SNX30: variants seen among roughly 807,000 people sequenced by gnomAD.
The protein encoded by SNX30 is sorting nexin family member 30.
In SNX30, 24 loss-of-function variants were observed where a neutral mutation model predicts 46.4. The ratio of observed to expected loss-of-function variants is 0.52; its 90% CI spans 0.37 to 0.73. SNX30 has a LOEUF of 0.73. Among genes scored for constraint, SNX30 ranks in the 30% least tolerant of loss-of-function variants. SNX30 has a pLI of 0.00. For missense variants in SNX30, 533 were observed against 555.7 expected (o/e 0.96, Z 0.41); for synonymous variants, 189 against 211.5 (o/e 0.89, Z 0.92).
chr9:112,814,795 CA>C (rs1401512447), intron 2 of SNX30, among the ~76,000 whole-genome samples: 2 of 152,184 alleles, frequency 1.3e-5, no homozygotes, highest in African/African-American at 4.8e-5. Context: ...TTTTGTCCAG[CA>C]ATTCTATCTT....
intron 1 of SNX30, among the ~76,000 whole-genome samples, chr9:112,784,827 A>G (rs1202677543): frequency 6.6e-6 from 1 of 152,204 alleles, no homozygotes; most frequent in Non-Finnish European, 1.5e-5. Context: ...CTCGGAGAAC[A>G]GAATTATTCT....
intron 6 of SNX30, among the ~76,000 whole-genome samples, chr9:112,848,400 C>T (rs1029099676): frequency 2.6e-5 from 4 of 152,124 alleles, no homozygotes; most frequent in African/African-American, 9.7e-5. Context: ...TGGTGGTAGT[C>T]AGCAGTTTGT....
At chr9:112,764,892 C>G (rs1839509298) in intron 1 of SNX30, among the ~76,000 whole-genome samples, 1 of 152,188 alleles carries the variant, frequency 6.6e-6, no homozygotes, top group Non-Finnish European at 1.5e-5. Context: ...CTCAGACTAA[C>G]ATCATCGACG....
intron 2 of SNX30, among the ~76,000 whole-genome samples, chr9:112,817,367 A>G (rs10981512): frequency 0.18 from 7,548 of 41,710 alleles, 540 homozygotes; most frequent in African/African-American, 0.37. Context: ...GTTGAATTCT[A>G]TTTCCTGACG....
chr9:112,850,730 G>A (rs1453910360), intron 6 of SNX30, 129 bp from the exon 7 acceptor site: 5 of 632,210 alleles, frequency 7.9e-6, no homozygotes, highest in Non-Finnish European at 1.4e-5. Flanking sequence ...GACTGTCCTA[G>A]GAGCACATGG....
chr9:112,883,035 A>C (rs1236038409), downstream of SNX30, among the ~76,000 whole-genome samples: 1 of 152,206 alleles, frequency 6.6e-6, no homozygotes, highest in African/African-American at 2.4e-5. Context: ...AGATGTCGCC[A>C]AGAAATCATA....
intron 1 of SNX30, among the ~76,000 whole-genome samples, chr9:112,791,281 A>G (rs916583032): frequency 6.6e-6 from 1 of 151,882 alleles, no homozygotes; most frequent in Non-Finnish European, 1.5e-5. Flanking sequence ...CTGACATTTC[A>G]TATAAATGGA....
intron 6 of SNX30, among the ~76,000 whole-genome samples, chr9:112,844,135 G>T (rs989815833): frequency 2.0e-5 from 3 of 152,180 alleles, no homozygotes; most frequent in Admixed American, 1.3e-4. Context: ...TGGTAGAGAC[G>T]TGGGTGGATT....
chr9:112,867,336 C>T (rs1193660087), intron 8 of SNX30, among the ~76,000 whole-genome samples: 1 of 150,898 alleles, frequency 6.6e-6, no homozygotes, highest in African/African-American at 2.4e-5. Flanking sequence ...CCTCCTCCCT[C>T]CTCAGAACTC....
intron 3 of SNX30, among the ~76,000 whole-genome samples, chr9:112,818,587 G>A (rs756845562): frequency 8.5e-5 from 13 of 152,114 alleles, no homozygotes; most frequent in Non-Finnish European, 1.9e-4. Context: ...AAATAATAAC[G>A]GTTTGGACAC....
chr9:112,822,741 G>T (rs1371711235), intron 3 of SNX30, among the ~76,000 whole-genome samples: 3 of 152,100 alleles, frequency 2.0e-5, no homozygotes, highest in African/African-American at 2.4e-5. Context: ...AAAATAAACA[G>T]TTCATAAGTT....
intron 1 of SNX30, among the ~76,000 whole-genome samples, chr9:112,789,272 G>T (rs1393881947): frequency 6.6e-6 from 1 of 152,116 alleles, no homozygotes; most frequent in Non-Finnish European, 1.5e-5. Flanking sequence ...TTATTGTTAG[G>T]AACAGGCTCT....
chr9:112,783,411 G>A (rs1839875381), intron 1 of SNX30, among the ~76,000 whole-genome samples: 2 of 152,196 alleles, frequency 1.3e-5, no homozygotes, highest in Admixed American at 6.5e-5. Flanking sequence ...AATATGTAAA[G>A]TGACTTACAC....
rs76381126 is a variant in SNX30, at chr9:112,757,070, T to C, written c.156+5913T>C. ...TTATTATTAATAACTCTAGTCCTCA[T>C]GTTCTACATTAGATCTCCAGACTTG... On this transcript the variant is annotated intron_variant, in intron 1 of 8. Transcript: ENST00000374232. Among the ~76,000 whole-genome samples the C allele has an allele frequency of 1.8e-4, 27 of 152,364 alleles. No homozygotes were observed. The East Asian group carries it at 5.0e-3, about 28-fold the overall frequency.
rs144330904 is a variant in SNX30, at chr9:112,795,459, C to T, written c.157-9317C>T. On this transcript the variant is annotated intron_variant, in intron 1 of 8. Transcript: ENST00000374232. ...TGATAGGCAAGGGATTGAATTTGGT[C>T]GTTTCTAAGATTCATTCATTCATGA... Among the ~76,000 whole-genome samples, 189 of 152,122 alleles carry T rather than the reference C, an allele frequency of 1.2e-3. 1 individual carries two copies. The highest frequency in any genetic ancestry group is 4.1e-3 in the African/African-American group (169 of 41,488).
At chr9:112,853,675 A>G (rs1539342) in intron 7 of SNX30, among the ~76,000 whole-genome samples, 121,665 of 152,224 alleles carry the variant, frequency 0.8, 48,813 homozygotes, top group South Asian at 0.87. Flanking sequence ...AGTTGAAGTC[A>G]TAGAAACAGA....
intron 1 of SNX30, among the ~76,000 whole-genome samples, chr9:112,775,266 C>T (rs1839724843): frequency 6.6e-6 from 1 of 151,344 alleles, no homozygotes; most frequent in Non-Finnish European, 1.5e-5. Flanking sequence ...AGTGATTCTC[C>T]TGCCTTAGCC....
chr9:112,808,048 A>T (rs963324607), intron 2 of SNX30, among the ~76,000 whole-genome samples: 3 of 152,122 alleles, frequency 2.0e-5, no homozygotes, highest in African/African-American at 7.2e-5. Context: ...CCTGTTTCTA[A>T]TAGTGACACC....
At chr9:112,797,387 C>T (rs949634833) in intron 1 of SNX30, among the ~76,000 whole-genome samples, 1 of 152,088 alleles carries the variant, frequency 6.6e-6, no homozygotes, top group Non-Finnish European at 1.5e-5. Flanking sequence ...GTATAATGAA[C>T]CTGCAGGTAC....
Sources: gnomAD v4.1 joint callset for allele counts (sites outside exome capture counted in the v4.1 genomes callset) on GRCh38, gnomAD v4.1.1 for gene constraint, MANE v1.5 for transcripts, NCBI Gene and HGNC (gene_info 2026-07-23, HGNC 2026-07-21) for gene names.